The following EPB41L3 variants were observed in gnomAD, a reference collection of about 807,000 sequenced individuals.
EPB41L3 encodes band 4.1-like protein 3.
In EPB41L3, 57 loss-of-function variants were observed where a neutral mutation model predicts 127.1. That is an observed-to-expected ratio of 0.45 (90% CI 0.36 to 0.56). EPB41L3 has a LOEUF of 0.56. EPB41L3 is among the 20% of genes least tolerant of loss of function. The probability of loss-of-function intolerance (pLI) is 0.00; values close to 1 mark genes in which losing one functional copy is unlikely to be tolerated. For synonymous variants in EPB41L3, 572 were observed against 549.5 expected (o/e 1.04, Z -0.57); for missense variants, 1,273 against 1,372.2 (o/e 0.93, Z 1.14).
chr18:5,500,410 A>ACAGT (rs536161132), intron 1 of EPB41L3, among the ~76,000 whole-genome samples: 3 of 152,200 alleles, frequency 2.0e-5, no homozygotes, highest in Non-Finnish European at 4.4e-5. Flanking sequence ...GACTCTTTGT[A>ACAGT]CAGTCATCCA....
intron 16 of EPB41L3, among the ~76,000 whole-genome samples, chr18:5,403,816 A>G (rs947624529): frequency 1.2e-4 from 18 of 152,152 alleles, no homozygotes; most frequent in African/African-American, 4.3e-4. Flanking sequence ...ATAGAGTAAT[A>G]TCAAATTAGT....
At chr18:5,473,039 A>G (rs1193567061) in intron 3 of EPB41L3, among the ~76,000 whole-genome samples, 1 of 152,092 alleles carries the variant, frequency 6.6e-6, no homozygotes, top group Non-Finnish European at 1.5e-5. Flanking sequence ...TCAGTTACTG[A>G]GCCCATTCCA....
chr18:5,587,951 A>G (rs1234344564), intron 3 of EPB41L3, among the ~76,000 whole-genome samples: 2 of 152,196 alleles, frequency 1.3e-5, no homozygotes, highest in Admixed American at 6.5e-5. Flanking sequence ...ACCTAACCTC[A>G]ACTTAGACAA....
At chr18:5,495,421 A>G (rs1047787971) in intron 1 of EPB41L3, among the ~76,000 whole-genome samples, 11 of 133,338 alleles carry the variant, frequency 8.2e-5, no homozygotes, top group Non-Finnish European at 1.6e-4. Context: ...AAAAAAAACT[A>G]AATGAAACAG....
intron 1 of EPB41L3, among the ~76,000 whole-genome samples, chr18:5,539,188 A>T (rs1280679103): frequency 6.6e-6 from 1 of 152,106 alleles, no homozygotes; most frequent in Non-Finnish European, 1.5e-5. Flanking sequence ...AGAAAAATAT[A>T]TACTCAAGGC....
chr18:5,628,724 C>T (rs929114835), intron 1 of EPB41L3, among the ~76,000 whole-genome samples: 1 of 152,122 alleles, frequency 6.6e-6, no homozygotes, highest in Non-Finnish European at 1.5e-5. Flanking sequence ...GGCGGCCGAA[C>T]GCGCCGCGTG....
intron 1 of EPB41L3, among the ~76,000 whole-genome samples, chr18:5,516,261 G>A (rs1193750988): frequency 6.6e-6 from 1 of 152,142 alleles, no homozygotes; most frequent in Non-Finnish European, 1.5e-5. Flanking sequence ...CATCTAATTG[G>A]CAGGATTTAA....
intron 13 of EPB41L3, among the ~76,000 whole-genome samples, chr18:5,415,510 A>C (rs914938338): frequency 6.6e-6 from 1 of 152,234 alleles, no homozygotes; most frequent in African/African-American, 2.4e-5. Context: ...CCTTTAGCTT[A>C]GCCCTGATCT....
chr18:5,468,373 G>A (rs977292742), intron 3 of EPB41L3, among the ~76,000 whole-genome samples: 5 of 152,166 alleles, frequency 3.3e-5, no homozygotes, highest in African/African-American at 9.7e-5. Context: ...AGTTCCAGGT[G>A]GAGTCCGCGG....
chr18:5,471,766 C>T (rs9950450), intron 3 of EPB41L3, among the ~76,000 whole-genome samples: 105,268 of 151,970 alleles, frequency 0.69, 36,618 homozygotes, highest in East Asian at 0.8. Context: ...CCTGAAGACT[C>T]AAAGGAGTTA....
intron 3 of EPB41L3, among the ~76,000 whole-genome samples, chr18:5,555,617 C>T (rs1292477306): frequency 6.6e-6 from 1 of 152,146 alleles, no homozygotes; most frequent in Non-Finnish European, 1.5e-5. Flanking sequence ...AGATCTATTA[C>T]CAAGCCCTTT....
intron 1 of EPB41L3, among the ~76,000 whole-genome samples, chr18:5,539,248 T>TTCTC (rs10598127): frequency 5.4e-5 from 8 of 148,582 alleles, no homozygotes; most frequent in South Asian, 2.1e-4. Context: ...CCTTTCTGCT[T>TTCTC]TCTCTCTCTC....
At chr18:5,484,529 A>T (rs927580544) in intron 2 of EPB41L3, among the ~76,000 whole-genome samples, 10 of 151,988 alleles carry the variant, frequency 6.6e-5, no homozygotes, top group African/African-American at 2.2e-4. Context: ...TAAAAAAAAA[A>T]TACAGAAGAT....
At chr18:5,614,705 A>C (rs1190711503) in intron 1 of EPB41L3, among the ~76,000 whole-genome samples, 2 of 152,198 alleles carry the variant, frequency 1.3e-5, no homozygotes, top group Admixed American at 6.5e-5. Context: ...TTCACTGAGA[A>C]ACCAGAGGCA....
chr18:5,520,588 G>GGCTTCTAT (rs2092949864), intron 1 of EPB41L3, among the ~76,000 whole-genome samples: 1 of 150,360 alleles, frequency 6.7e-6, no homozygotes, highest in African/African-American at 2.4e-5. Context: ...ATGAGGCTAG[G>GGCTTCTAT]GCTTCTATTC....
At chr18:5,568,640 A>G (rs2094239175) in intron 3 of EPB41L3, among the ~76,000 whole-genome samples, 1 of 152,184 alleles carries the variant, frequency 6.6e-6, no homozygotes, top group Non-Finnish European at 1.5e-5. Flanking sequence ...GAAGAAACTA[A>G]GGAAGTTCCA....
chr18:5,551,037 A>G (rs1019607293), intron 3 of EPB41L3, among the ~76,000 whole-genome samples: 2 of 152,162 alleles, frequency 1.3e-5, no homozygotes, highest in Non-Finnish European at 2.9e-5. Flanking sequence ...TTTACCTCTG[A>G]GCCAAGCTTT....
chr18:5,394,863 G>T, intron 21 of EPB41L3, 70 bp from the exon 22 acceptor site: 1 of 1,419,896 alleles, frequency 7.0e-7, no homozygotes. Flanking sequence ...GTGGTGAGGT[G>T]GAGACTTATG....
chr18:5,529,558 G>A (rs2093344835), intron 1 of EPB41L3, among the ~76,000 whole-genome samples: 1 of 152,090 alleles, frequency 6.6e-6, no homozygotes, highest in Admixed American at 6.6e-5. Context: ...GCTCCTCATG[G>A]CGAACTCACC....
Sources: gnomAD v4.1 joint callset for allele counts (sites outside exome capture counted in the v4.1 genomes callset) on GRCh38, gnomAD v4.1.1 for gene constraint, MANE v1.5 for transcripts, NCBI Gene and HGNC (gene_info 2026-07-23, HGNC 2026-07-21) for gene names.